Variants in PDLIM5 observed in about 807,000 individuals in gnomAD.
PDLIM5 encodes the protein PDZ and LIM domain 5, also known as PDZ and LIM domain protein 5.
PDLIM5 carries 34 observed loss-of-function variants against 64.2 expected under a neutral mutation model. The ratio of observed to expected loss-of-function variants is 0.53; its 90% CI spans 0.40 to 0.71. PDLIM5 has a LOEUF of 0.71. Among genes scored for constraint, PDLIM5 ranks in the 30% least tolerant of loss-of-function variants. PDLIM5 has a pLI of 0.00. For missense variants in PDLIM5, 683 were observed against 733.6 expected (o/e 0.93, Z 0.80); for synonymous variants, 253 against 269.1 (o/e 0.94, Z 0.59).
rs749286104 is a variant in PDLIM5, at chr4:94,654,618, G to A, written c.1442G>A (p.Arg481Gln). 5.6e-6 allele frequency: 9 copies of A among 1,609,064 alleles called. No individual in the cohort carries two copies. The highest frequency in any genetic ancestry group is 2.2e-5 in the East Asian group (1 of 44,854). ...YEKFFAPECG[R>Q]CQRKILGEVI... Reference sequence around the variant, plus strand: ...AAATTCTTTGCCCCTGAATGTGGTCGATGCCAAAGGAAGATCCTTGGAGTA... The same window carrying A: ...AAATTCTTTGCCCCTGAATGTGGTCAATGCCAAAGGAAGATCCTTGGAGTA... Residue 481 changes from arginine to glutamine, a missense_variant, in exon 10 of 13, where the codon CGA becomes CAA. Coordinates refer to ENST00000317968, the MANE Select transcript of PDLIM5 (RefSeq NM_006457.5).
chr4:94,610,310 A>C, intron 7 of PDLIM5: 1 of 1,501,332 alleles, frequency 6.7e-7, no homozygotes, highest in East Asian at 2.5e-5. Flanking sequence ...ACCAGGTAGA[A>C]CTACACGTAC....
At chr4:94,637,416 C>CTG (rs1740657888) in intron 8 of PDLIM5, among the ~76,000 whole-genome samples, 2 of 151,834 alleles carry the variant, frequency 1.3e-5, no homozygotes, top group Non-Finnish European at 2.9e-5. Context: ...AAAATTAGCC[C>CTG]AGCGTGGTGG....
At chr4:94,645,730 T>C (rs1383639877) in intron 9 of PDLIM5, among the ~76,000 whole-genome samples, 1 of 152,210 alleles carries the variant, frequency 6.6e-6, no homozygotes, top group Admixed American at 6.5e-5. Context: ...TTGGATGTGA[T>C]GTTTATTTTC....
intron 2 of PDLIM5, among the ~76,000 whole-genome samples, chr4:94,472,934 G>T (rs11097429): frequency 6.6e-6 from 1 of 152,142 alleles, no homozygotes; most frequent in Non-Finnish European, 1.5e-5. Flanking sequence ...CAAAGTCTGT[G>T]CCCTCTCAAA....
At chr4:94,657,377 G>T (rs756240074) in intron 10 of PDLIM5, 50 bp from the exon 11 acceptor site, 1 of 1,287,586 alleles carries the variant, frequency 7.8e-7, no homozygotes, top group South Asian at 1.2e-5. Flanking sequence ...AAACATTTAT[G>T]TATTTATTGT....
chr4:94,521,226 T>C (rs1228364006), intron 2 of PDLIM5, among the ~76,000 whole-genome samples: 1 of 152,120 alleles, frequency 6.6e-6, no homozygotes. Flanking sequence ...ATTAGAACTT[T>C]CCAGTGCGAG....
rs533747731 is a variant in PDLIM5 at position 94,664,017 on chromosome 4, A to G, written c.1741A>G (p.Lys581Glu). 4 of 1,609,118 alleles carry G rather than the reference A, an allele frequency of 2.5e-6. No individual in the cohort carries two copies. Among genetic ancestry groups the G allele is most frequent in the Non-Finnish European group, 2.5e-6 (3 of 1,176,600 alleles). ...ESLEGQTFFS[K>E]KDKPLCKKHA... ...TTTGGAAGGTCAGACCTTTTTCTCC[A>G]AGAAGGACAAGCCCCTGTGTAAGAA... Residue 581 changes from lysine to glutamate, a missense_variant, in exon 13 of 13, where the codon AAG (lysine) becomes GAG (glutamate). Lys to Glu is a moderately conservative substitution (Grantham distance 56). Coordinates refer to ENST00000317968, the MANE Select transcript of PDLIM5 (RefSeq NM_006457.5).
At chr4:94,560,240 T>A (rs945347375) in intron 3 of PDLIM5, among the ~76,000 whole-genome samples, 19 of 152,200 alleles carry the variant, frequency 1.2e-4, no homozygotes, top group African/African-American at 4.6e-4. Context: ...CTGCTTTCTC[T>A]TTGATTGAAC....
intron 3 of PDLIM5, among the ~76,000 whole-genome samples, chr4:94,549,415 GACC>G (rs1369665267): frequency 2.6e-5 from 4 of 152,078 alleles, no homozygotes; most frequent in Non-Finnish European, 5.9e-5. Flanking sequence ...TATACCCTCT[GACC>G]TATCAATTCC....
intron 3 of PDLIM5, among the ~76,000 whole-genome samples, chr4:94,539,849 A>G (rs1388004730): frequency 6.6e-6 from 1 of 152,090 alleles, no homozygotes; most frequent in Non-Finnish European, 1.5e-5. Flanking sequence ...AAAAATACAG[A>G]TTTTTTGAGG....
At chr4:94,653,857 A>G (rs1216656023) in intron 9 of PDLIM5, among the ~76,000 whole-genome samples, 1 of 152,152 alleles carries the variant, frequency 6.6e-6, no homozygotes, top group Non-Finnish European at 1.5e-5. Context: ...CAGACAATTG[A>G]TAATACCTAG....
At chr4:94,599,663 A>C (rs1187632565) in intron 7 of PDLIM5, among the ~76,000 whole-genome samples, 1 of 152,198 alleles carries the variant, frequency 6.6e-6, no homozygotes, top group Non-Finnish European at 1.5e-5. Context: ...ATTGTGCATG[A>C]TTATTGAAAT....
chr4:94,550,185 T>C (rs1371117777), intron 3 of PDLIM5, among the ~76,000 whole-genome samples: 1 of 152,136 alleles, frequency 6.6e-6, no homozygotes, highest in Non-Finnish European at 1.5e-5. Flanking sequence ...TAAGGTTTGC[T>C]TCAAGACATC....
chr4:94,576,068 A>G (rs1735225430), intron 5 of PDLIM5, 34 bp downstream of exon 5: 1 of 1,550,390 alleles, frequency 6.4e-7, no homozygotes, highest in African/African-American at 1.4e-5. Context: ...CTCTTACTAA[A>G]ACTCTTCTTT....
At chr4:94,504,356 C>T (rs372650087) in intron 2 of PDLIM5, among the ~76,000 whole-genome samples, 53 of 151,652 alleles carry the variant, frequency 3.5e-4, no homozygotes, top group Admixed American at 5.3e-4. Context: ...GGCACTATCT[C>T]GGCTCATTGC....
chr4:94,511,413 A>G (rs1005265267), intron 2 of PDLIM5, among the ~76,000 whole-genome samples: 2 of 152,138 alleles, frequency 1.3e-5, no homozygotes, highest in African/African-American at 4.8e-5. Context: ...TAATAATCAC[A>G]TCGTGGAGAA....
chr4:94,587,154 A>C, intron 7 of PDLIM5: 1 of 1,517,124 alleles, frequency 6.6e-7, no homozygotes, highest in Non-Finnish European at 8.8e-7. Flanking sequence ...ACTTCATAGC[A>C]AAATCTGTAT....
intron 2 of PDLIM5, among the ~76,000 whole-genome samples, chr4:94,467,480 AT>A (rs2126087663): frequency 6.6e-6 from 1 of 152,050 alleles, no homozygotes; most frequent in South Asian, 2.1e-4. Context: ...TGCCTGGCTA[AT>A]TTTTGTATTC....
chr4:94,588,241 A>G, intron 7 of PDLIM5: 1 of 919,968 alleles, frequency 1.1e-6, no homozygotes, highest in Non-Finnish European at 1.3e-6. Context: ...AATCATTTTT[A>G]ACTTTGTGAG....
Sources: gnomAD v4.1 joint callset for allele counts (sites outside exome capture counted in the v4.1 genomes callset) on GRCh38, gnomAD v4.1.1 for gene constraint, MANE v1.5 for transcripts, NCBI Gene and HGNC (gene_info 2026-07-23, HGNC 2026-07-21) for gene names.